DOK5: variants seen among roughly 807,000 people sequenced by gnomAD.
The protein encoded by DOK5 is downstream of tyrosine kinase 5.
A neutral mutation model predicts 43.3 loss-of-function variants in DOK5; 27 were observed. That is an observed-to-expected ratio of 0.62 (90% CI 0.46 to 0.86). The LOEUF (loss-of-function observed/expected upper bound fraction) is 0.86. Ranked by LOEUF, DOK5 falls within the 40% of genes least tolerant of loss-of-function variation. The pLI, the probability that DOK5 is intolerant of heterozygous loss-of-function variation, is 0.00. For missense variants in DOK5, 373 were observed against 392.9 expected (o/e 0.95, Z 0.43); for synonymous variants, 146 against 140.1 (o/e 1.04, Z -0.30).
intron 2 of DOK5, among the ~76,000 whole-genome samples, chr20:54,581,781 T>C (rs1003295552): frequency 6.6e-6 from 1 of 152,014 alleles, no homozygotes; most frequent in African/African-American, 2.4e-5. Context: ...CTAACTTTTT[T>C]TGTGTGTAGA....
intron 7 of DOK5, among the ~76,000 whole-genome samples, chr20:54,645,148 T>C (rs1979346722): frequency 6.6e-6 from 1 of 151,682 alleles, no homozygotes; most frequent in South Asian, 2.1e-4. Context: ...GGAAATAGAG[T>C]GCACTGGACT....
At chr20:54,545,817 C>T (rs1009886036) in intron 1 of DOK5, among the ~76,000 whole-genome samples, 1 of 152,186 alleles carries the variant, frequency 6.6e-6, no homozygotes. Flanking sequence ...TGTGGGTGAA[C>T]ACTTAGTGCC....
chr20:54,496,056 T>C (rs370501662), intron 1 of DOK5, among the ~76,000 whole-genome samples: 78 of 152,276 alleles, frequency 5.1e-4, no homozygotes, highest in African/African-American at 1.8e-3. Context: ...GTGAAGGAGA[T>C]TGGACGTTTT....
chr20:54,512,843 G>T lies in DOK5; in HGVS notation c.66+36831G>T, dbSNP rs373242869. On this transcript the variant is annotated intron_variant, in intron 1 of 7. Transcript: ENST00000262593. ...TGGAAGAAGGGTGCAAAGAGTAAAG[G>T]AAGCAGAGAGGAGCAAGAGCAAACA... is the stretch of plus-strand genomic sequence containing the variant. 2.6e-5 allele frequency among the ~76,000 whole-genome samples: 4 copies of T among 152,180 alleles called. No homozygotes were observed. In the East Asian group the frequency reaches 7.7e-4, roughly 29 times the overall value.
At chr20:54,556,597 A>C (rs561515244) in intron 2 of DOK5, among the ~76,000 whole-genome samples, 9 of 152,216 alleles carry the variant, frequency 5.9e-5, no homozygotes, top group Non-Finnish European at 1.0e-4. Context: ...TGCTATAAGG[A>C]TGACTTGCTT....
intron 5 of DOK5, among the ~76,000 whole-genome samples, chr20:54,595,007 G>A (rs1039834608): frequency 6.9e-6 from 1 of 145,952 alleles, no homozygotes; most frequent in African/African-American, 2.8e-5. Context: ...TATGAGATGT[G>A]TGTATATGGG....
chr20:54,486,848 G>A (rs2146663161), intron 1 of DOK5, among the ~76,000 whole-genome samples: 2 of 152,132 alleles, frequency 1.3e-5, no homozygotes, highest in African/African-American at 4.8e-5. Flanking sequence ...TTTTTTATTG[G>A]TAAGAGGTTG....
intron 1 of DOK5, among the ~76,000 whole-genome samples, chr20:54,501,458 C>T (rs1982599288): frequency 1.9e-5 from 2 of 106,704 alleles, no homozygotes; most frequent in Admixed American, 1.2e-4. Context: ...CAGAGCGAGA[C>T]TCACTCTCAA....
intron 2 of DOK5, among the ~76,000 whole-genome samples, chr20:54,581,672 A>T (rs1985647474): frequency 6.6e-6 from 1 of 151,548 alleles, no homozygotes; most frequent in Non-Finnish European, 1.5e-5. Context: ...AATTTTCTTA[A>T]TTTTCTTTTG....
intron 1 of DOK5, among the ~76,000 whole-genome samples, chr20:54,539,182 T>G: frequency 6.9e-6 from 1 of 144,826 alleles, no homozygotes; most frequent in East Asian, 2.1e-4. Flanking sequence ...CCCAGCTACT[T>G]GGGAGGCTGA....
At chr20:54,505,018 G>C (rs1337464940) in intron 1 of DOK5, among the ~76,000 whole-genome samples, 1 of 152,042 alleles carries the variant, frequency 6.6e-6, no homozygotes, top group African/African-American at 2.4e-5. Flanking sequence ...TGTCCCGGTG[G>C]CATTCCCCAA....
chr20:54,616,784 C>CTTTTT (rs550110589), intron 6 of DOK5, among the ~76,000 whole-genome samples: 8 of 105,746 alleles, frequency 7.6e-5, no homozygotes, highest in Non-Finnish European at 1.1e-4. Context: ...TTTTTTTTTT[C>CTTTTT]TTTTTTTTTT....
chr20:54,638,752 C>CTTTTTTT (rs11476340), intron 6 of DOK5, among the ~76,000 whole-genome samples: 6 of 98,530 alleles, frequency 6.1e-5, no homozygotes, highest in Non-Finnish European at 1.0e-4. Context: ...CTTTTCTTTT[C>CTTTTTTT]TTTTTTTTTT....
intron 2 of DOK5, among the ~76,000 whole-genome samples, chr20:54,574,582 GTTACA>G (rs1985395979): frequency 6.6e-6 from 1 of 152,128 alleles, no homozygotes; most frequent in Admixed American, 6.5e-5. Context: ...AAATTCAGTA[GTTACA>G]CATTTTTGAA....
At chr20:54,618,064 C>T (rs370317686) in intron 6 of DOK5, among the ~76,000 whole-genome samples, 4 of 152,306 alleles carry the variant, frequency 2.6e-5, no homozygotes, top group African/African-American at 9.6e-5. Context: ...CAAGTAGACA[C>T]TTGAGGCCTA....
chr20:54,490,876 C>T (rs147905556), intron 1 of DOK5, among the ~76,000 whole-genome samples: 187 of 152,348 alleles, frequency 1.2e-3, no homozygotes, highest in Non-Finnish European at 2.3e-3. Flanking sequence ...GCGTGAGCCA[C>T]CGCGCCCAGC....
chr20:54,524,386 G>A (rs1249527427), intron 1 of DOK5, among the ~76,000 whole-genome samples: 1 of 152,188 alleles, frequency 6.6e-6, no homozygotes, highest in East Asian at 1.9e-4. Context: ...ATGAACATGA[G>A]CAGGACTTAC....
At chr20:54,515,720 A>T (rs1983176548) in intron 1 of DOK5, among the ~76,000 whole-genome samples, 1 of 152,182 alleles carries the variant, frequency 6.6e-6, no homozygotes, top group African/African-American at 2.4e-5. Context: ...GAAGAAAATC[A>T]TTTTTTTGTA....
intron 1 of DOK5, among the ~76,000 whole-genome samples, chr20:54,476,571 C>T (rs1333611604): frequency 6.6e-6 from 1 of 152,086 alleles, no homozygotes; most frequent in African/African-American, 2.4e-5. Flanking sequence ...TCGGGGCCAA[C>T]TTGGGTAGAT....
Sources: allele counts gnomAD v4.1 joint callset (sites outside exome capture counted in the v4.1 genomes callset), GRCh38; gene constraint gnomAD v4.1.1; transcripts MANE v1.5; gene names NCBI Gene and HGNC (gene_info 2026-07-23, HGNC 2026-07-21).